Variants in IL23R observed in about 807,000 individuals in gnomAD.
IL23R encodes the protein interleukin 23 receptor, also known as interleukin-23 receptor.
IL23R carries 34 observed loss-of-function variants against 56.9 expected under a neutral mutation model. That is an observed-to-expected ratio of 0.60 (90% CI 0.45 to 0.80). IL23R has a LOEUF of 0.80. IL23R is among the 30% of genes least tolerant of loss of function. The pLI, the probability that IL23R is intolerant of heterozygous loss-of-function variation, is 0.00. For synonymous variants in IL23R, 230 were observed against 249.2 expected (o/e 0.92, Z 0.73); for missense variants, 635 against 730.0 (o/e 0.87, Z 1.50).
At chr1:67,152,728 C>T (rs1646739318) in intron 1 of IL23R, among the ~76,000 whole-genome samples, 1 of 141,092 alleles carries the variant, frequency 7.1e-6, no homozygotes, top group Non-Finnish European at 1.6e-5. Context: ...TTCATTGGTT[C>T]TGTTTATGTG....
chr1:67,150,698 G>A (rs1249388740), intron 1 of IL23R, among the ~76,000 whole-genome samples: 2 of 148,150 alleles, frequency 1.3e-5, no homozygotes, highest in African/African-American at 5.0e-5. Flanking sequence ...TATCCAGATA[G>A]AGATGTTGAA....
intron 4 of IL23R, 120 bp downstream of exon 4, chr1:67,183,079 C>T: frequency 8.8e-7 from 1 of 1,133,716 alleles, no homozygotes; most frequent in Non-Finnish European, 1.3e-6. Flanking sequence ...TGATTTATCC[C>T]TTATTTCCTA....
At chr1:67,182,189 G>C (rs915743983) in intron 3 of IL23R, among the ~76,000 whole-genome samples, 7 of 152,194 alleles carry the variant, frequency 4.6e-5, no homozygotes, top group Non-Finnish European at 8.8e-5. Flanking sequence ...GTCTGCAGAG[G>C]TTTCTGCTGC....
chr1:67,248,065 C>T lies in IL23R; in HGVS notation c.1149-7772C>T, dbSNP rs544613858. On this transcript the variant is annotated intron_variant, in intron 9 of 10. Coordinates refer to ENST00000347310, the MANE Select transcript of IL23R (RefSeq NM_144701.3). ...CTTAACATTTTTTCCTTCATTTCAA[C>T]GTCGGTGTATCTGATGAGTTGTGTC... Among the ~76,000 whole-genome samples the T allele has an allele frequency of 4.7e-4, 72 of 152,212 alleles. 3 individuals are homozygous for T. In the South Asian group the frequency reaches 0.013, roughly 29 times the overall value.
At chr1:67,162,128 AT>A (rs1173990266), upstream of IL23R, among the ~76,000 whole-genome samples, 1 of 151,868 alleles carries the variant, frequency 6.6e-6, no homozygotes, top group African/African-American at 2.4e-5. Context: ...TTACATATAA[AT>A]TTTATCCAAT....
intron 3 of IL23R, among the ~76,000 whole-genome samples, chr1:67,175,770 A>G (rs1371995397): frequency 2.0e-5 from 3 of 152,216 alleles, no homozygotes; most frequent in Non-Finnish European, 1.5e-5. Context: ...CTGCCAGAGT[A>G]GTAGAAGAAA....
intron 3 of IL23R, among the ~76,000 whole-genome samples, chr1:67,173,935 C>T (rs1646977140): frequency 6.6e-6 from 1 of 152,064 alleles, no homozygotes; most frequent in Non-Finnish European, 1.5e-5. Flanking sequence ...TTTCACTTTG[C>T]CATATGATCA....
At chr1:67,233,195 CAAAAAAAAAA>C (rs34125353) in intron 7 of IL23R, among the ~76,000 whole-genome samples, 141 of 53,656 alleles carry the variant, frequency 2.6e-3, no homozygotes, top group African/African-American at 0.01. Context: ...CTAAAAATTC[CAAAAAAAAAA>C]AAAAAAAAAA....
At chr1:67,230,305 T>C (rs1570895247) in intron 7 of IL23R, among the ~76,000 whole-genome samples, 1 of 152,192 alleles carries the variant, frequency 6.6e-6, no homozygotes, top group African/African-American at 2.4e-5. Flanking sequence ...CAAAGAAGTA[T>C]ATCCTAGTGC....
At chr1:67,218,135 A>G (rs932822561) in intron 6 of IL23R, among the ~76,000 whole-genome samples, 23 of 151,710 alleles carry the variant, frequency 1.5e-4, no homozygotes, top group African/African-American at 5.1e-4. Flanking sequence ...CTCATTTTTC[A>G]TTACGTTTTA....
At chr1:67,213,495 G>A (rs911977023) in intron 6 of IL23R, among the ~76,000 whole-genome samples, 11 of 152,210 alleles carry the variant, frequency 7.2e-5, no homozygotes, top group Non-Finnish European at 1.2e-4. Context: ...ACGAGGCAAG[G>A]AGAATATGTG....
intron 7 of IL23R, among the ~76,000 whole-genome samples, chr1:67,225,484 T>C (rs1650550761): frequency 6.6e-6 from 1 of 151,574 alleles, no homozygotes; most frequent in Non-Finnish European, 1.5e-5. Context: ...CATAGTAGGG[T>C]CTGTGGACAA....
chr1:67,167,955 T>TATTCCTTC (rs1646893478), intron 1 of IL23R, 137 bp from the exon 2 acceptor site: 1 of 615,176 alleles, frequency 1.6e-6, no homozygotes, highest in South Asian at 2.0e-5. Context: ...TTCCTTCCTT[T>TATTCCTTC]CTTCCTTCCT....
At chr1:67,157,853 T>C (rs1282520006) in intron 1 of IL23R, among the ~76,000 whole-genome samples, 1 of 152,248 alleles carries the variant, frequency 6.6e-6, no homozygotes, top group Admixed American at 6.5e-5. Flanking sequence ...GACCAAACTT[T>C]TGTCTGTTTT....
chr1:67,148,391 G>T (rs553320788), intron 1 of IL23R, among the ~76,000 whole-genome samples: 2 of 152,374 alleles, frequency 1.3e-5, no homozygotes, highest in African/African-American at 4.8e-5. Context: ...GAATTCCTGG[G>T]TTTATATCCC....
At chr1:67,257,464 A>C (rs1466643824) in intron 10 of IL23R, among the ~76,000 whole-genome samples, 2 of 152,114 alleles carry the variant, frequency 1.3e-5, no homozygotes, top group African/African-American at 4.8e-5. Context: ...CCACTTTCAA[A>C]TAACATCACA....
chr1:67,189,670 C>T (rs1470383341), intron 4 of IL23R, among the ~76,000 whole-genome samples: 4 of 152,106 alleles, frequency 2.6e-5, no homozygotes, highest in African/African-American at 7.2e-5. Flanking sequence ...GAGGGCTGGG[C>T]GCAGTGGCTC....
chr1:67,171,533 T>C (rs939130312), intron 3 of IL23R, among the ~76,000 whole-genome samples: 1 of 152,226 alleles, frequency 6.6e-6, no homozygotes, highest in African/African-American at 2.4e-5. Flanking sequence ...ACTACCAGAT[T>C]GGTTAACATT....
chr1:67,222,360 G>A (rs546108346), intron 7 of IL23R, among the ~76,000 whole-genome samples: 5 of 152,060 alleles, frequency 3.3e-5, no homozygotes, highest in South Asian at 2.1e-4. Flanking sequence ...CAGGTGATCC[G>A]CCCGCTTTGG....
Sources: allele counts gnomAD v4.1 joint callset (sites outside exome capture counted in the v4.1 genomes callset), GRCh38; gene constraint gnomAD v4.1.1; transcripts MANE v1.5; gene names NCBI Gene and HGNC (gene_info 2026-07-23, HGNC 2026-07-21).